PAPSS1: variants seen among roughly 807,000 people sequenced by gnomAD.
PAPSS1 encodes bifunctional 3'-phosphoadenosine 5'-phosphosulfate synthase 1.
A neutral mutation model predicts 72.0 loss-of-function variants in PAPSS1; 50 were observed. The observed-to-expected ratio is 0.69, with a 90% confidence interval of 0.55 to 0.88. The LOEUF is 0.88. Ranked by LOEUF, PAPSS1 falls within the 40% of genes least tolerant of loss-of-function variation. The pLI is 0.00. For synonymous variants in PAPSS1, 261 were observed against 263.6 expected (o/e 0.99, Z 0.09); for missense variants, 657 against 782.2 (o/e 0.84, Z 1.91).
In PAPSS1 at chr4:107,719,916, A is replaced by T. The variant is rs1344119327; in HGVS notation, c.60+204T>A. 7.3e-6 allele frequency: 10 copies of T among 1,364,692 alleles called. No homozygotes were observed. The Admixed American group carries it at 3.8e-4, about 52-fold the overall frequency. 84.5% of individuals were successfully genotyped at this position (1,364,692 alleles called of 1,614,324 possible). A position where few individuals can be genotyped will look rare whatever the true frequency, so the allele number is the denominator to read the frequency against. On this transcript the variant is annotated intron_variant, in intron 1 of 11. Coordinates refer to ENST00000265174, the MANE Select transcript of PAPSS1 (RefSeq NM_005443.5). Reference sequence around the variant, plus strand: ...CTCGGACCGCACGCTGCGCCAAGCTAGGGCGAGATCCCCACCCTGCGCCGC... The same window carrying T: ...CTCGGACCGCACGCTGCGCCAAGCTTGGGCGAGATCCCCACCCTGCGCCGC...
intron 1 of PAPSS1, among the ~76,000 whole-genome samples, chr4:107,710,281 C>T (rs1227688133): frequency 2.2e-4 from 34 of 152,090 alleles, no homozygotes; most frequent in Admixed American, 2.0e-3. Context: ...AAGCTTAGTG[C>T]TTCTTACTTA....
intron 5 of PAPSS1, among the ~76,000 whole-genome samples, chr4:107,669,693 T>C (rs1249081275): frequency 6.6e-6 from 1 of 152,176 alleles, no homozygotes; most frequent in Non-Finnish European, 1.5e-5. Context: ...GTAACAAATA[T>C]TGAAAAGGAG....
chr4:107,716,714 A>G (rs190609059), intron 1 of PAPSS1, among the ~76,000 whole-genome samples: 1 of 152,346 alleles, frequency 6.6e-6, no homozygotes, highest in Non-Finnish European at 1.5e-5. Flanking sequence ...GCTTTATCAG[A>G]CTGAAGTAAG....
At chr4:107,642,947 C>T (rs1726588681) in intron 10 of PAPSS1, among the ~76,000 whole-genome samples, 1 of 152,168 alleles carries the variant, frequency 6.6e-6, no homozygotes. Flanking sequence ...GTATAGCCAA[C>T]AGGAATGTCC....
At chr4:107,718,678 A>G (rs1260578064) in intron 1 of PAPSS1, among the ~76,000 whole-genome samples, 1 of 152,264 alleles carries the variant, frequency 6.6e-6, no homozygotes, top group East Asian at 1.9e-4. Context: ...ACAAGTCTCT[A>G]CATAGAATAC....
At chr4:107,685,970 T>C (rs1481834422) in intron 4 of PAPSS1, among the ~76,000 whole-genome samples, 2 of 152,164 alleles carry the variant, frequency 1.3e-5, no homozygotes, top group Non-Finnish European at 2.9e-5. Context: ...GTATCTTTAG[T>C]TAGTTTTTTT....
At chr4:107,651,400 T>A (rs566109910) in intron 9 of PAPSS1, among the ~76,000 whole-genome samples, 1 of 152,322 alleles carries the variant, frequency 6.6e-6, no homozygotes, top group South Asian at 2.1e-4. Context: ...GAATAAAGTC[T>A]AGCTTCAGTT....
intron 4 of PAPSS1, among the ~76,000 whole-genome samples, chr4:107,685,385 C>CA (rs780767628): frequency 2.2e-4 from 34 of 152,146 alleles, no homozygotes; most frequent in Non-Finnish European, 4.7e-4. Context: ...TCCATTCTTT[C>CA]AAAAACAACA....
chr4:107,633,123 T>C (rs903268983), intron 10 of PAPSS1, among the ~76,000 whole-genome samples: 3 of 152,224 alleles, frequency 2.0e-5, no homozygotes, highest in African/African-American at 4.8e-5. Context: ...TAATTTTACA[T>C]AGTATATAAC....
chr4:107,685,019 C>T lies in PAPSS1; in HGVS notation c.550+2020G>A, dbSNP rs998898960. 1.7e-4 allele frequency among the ~76,000 whole-genome samples: 26 copies of T among 152,182 alleles called. 1 individual carries two copies. Among genetic ancestry groups the T allele is most frequent in the African/African-American group, 7.2e-5 (3 of 41,430 alleles). ...CTCCTGTGTTCACGCCATTCTCCTG[C>T]CTCAGCCTCCTGAGTAGCTGGGACT... On this transcript the variant is annotated intron_variant, in intron 4 of 11. Coordinates refer to ENST00000265174, the MANE Select transcript of PAPSS1 (RefSeq NM_005443.5).
At chr4:107,656,826 G>T in intron 7 of PAPSS1, 70 bp downstream of exon 7, 1 of 1,095,054 alleles carries the variant, frequency 9.1e-7, no homozygotes, top group Non-Finnish European at 1.4e-6. Flanking sequence ...TTTGTAAACA[G>T]TGACAAATCT....
At chr4:107,720,055 C>T (rs1723740709) in intron 1 of PAPSS1, 65 bp downstream of exon 1, 8 of 1,549,406 alleles carry the variant, frequency 5.2e-6, no homozygotes, top group Admixed American at 3.7e-5. Context: ...GAGGCGGCGG[C>T]TCCGGAACGA....
chr4:107,684,467 T>C (rs1722721457), intron 4 of PAPSS1, among the ~76,000 whole-genome samples: 1 of 152,160 alleles, frequency 6.6e-6, no homozygotes, highest in Non-Finnish European at 1.5e-5. Context: ...CTTTAAAGAA[T>C]CTTTATTAAC....
intron 5 of PAPSS1, among the ~76,000 whole-genome samples, chr4:107,679,527 A>G (rs1283185128): frequency 6.6e-6 from 1 of 151,774 alleles, no homozygotes; most frequent in Non-Finnish European, 1.5e-5. Flanking sequence ...CTCAATCTCT[A>G]CTGTACATCT....
rs1725767036 is a variant in PAPSS1 at position 107,614,403 on chromosome 4, A to ATTTT, written c.1737-17_1737-16insAAAA. On this transcript the variant is annotated splice_polypyrimidine_tract_variant and intron_variant, in intron 11 of 11. Coordinates refer to ENST00000265174, the MANE Select transcript of PAPSS1 (RefSeq NM_005443.5). Reference sequence around the variant, plus strand: ...GTCTTCATGGCTAAAGGAGAGGAAAAAAAGAAAATTATTTCATAATTTTAG... The same window carrying ATTTT: ...GTCTTCATGGCTAAAGGAGAGGAAAATTTTAAAGAAAATTATTTCATAATTTTAG... 6.3e-7 allele frequency: 1 copy of ATTTT among 1,589,014 alleles called. No homozygotes were observed. Among genetic ancestry groups the ATTTT allele is most frequent in the Non-Finnish European group, 8.6e-7 (1 of 1,165,964 alleles).
At chr4:107,686,332 T>C (rs1267130630) in intron 4 of PAPSS1, among the ~76,000 whole-genome samples, 1 of 152,256 alleles carries the variant, frequency 6.6e-6, no homozygotes, top group Non-Finnish European at 1.5e-5. Context: ...TTCATTCTTT[T>C]ATATACTTTA....
chr4:107,657,124 G>T (rs1317240562), intron 6 of PAPSS1, 117 bp from the exon 7 acceptor site: 3 of 675,970 alleles, frequency 4.4e-6, no homozygotes, highest in Non-Finnish European at 8.1e-6. Flanking sequence ...GTAAGGATGA[G>T]TATAGATTAT....
intron 5 of PAPSS1, among the ~76,000 whole-genome samples, chr4:107,669,039 C>T (rs948841998): frequency 6.6e-6 from 1 of 152,166 alleles, no homozygotes; most frequent in African/African-American, 2.4e-5. Flanking sequence ...ATCCCCTTCA[C>T]CTCCCAATCT....
intron 2 of PAPSS1, among the ~76,000 whole-genome samples, chr4:107,698,398 C>A (rs1180271882): frequency 6.6e-6 from 1 of 152,228 alleles, no homozygotes; most frequent in East Asian, 1.9e-4. Context: ...CAGGTGAATA[C>A]ATATTCTTTT....
Sources: allele counts gnomAD v4.1 joint callset (sites outside exome capture counted in the v4.1 genomes callset), GRCh38; gene constraint gnomAD v4.1.1; transcripts MANE v1.5; gene names NCBI Gene and HGNC (gene_info 2026-07-23, HGNC 2026-07-21).